LONRF1: variants seen among roughly 807,000 people sequenced by gnomAD.
LONRF1 encodes the protein LON peptidase N-terminal domain and ring finger 1.
In LONRF1, 37 loss-of-function variants were observed where a neutral mutation model predicts 85.8. That is an observed-to-expected ratio of 0.43 (90% confidence interval 0.33 to 0.57). The LOEUF is 0.57. Ranked by LOEUF, LONRF1 falls within the 20% of genes least tolerant of loss-of-function variation. LONRF1 has a pLI of 0.04. For missense variants in LONRF1, 1,036 were observed against 978.0 expected, an observed-to-expected ratio of 1.06 and a Z score of -0.79; for synonymous variants, 517 against 390.1, an observed-to-expected ratio of 1.33 and a Z score of -3.83.
At position 12,754,726 on chromosome 8, in the gene LONRF1, G is replaced by A; in HGVS notation, c.695C>T (p.Ala232Val). The change falls in exon 1 of 12, where the codon GCC becomes GTC. Residue 232 changes from alanine to valine, a missense_variant. By Grantham distance (64) the Ala-to-Val change is moderately conservative. Around this residue, in one of 3 missense-constraint regions of LONRF1, gnomAD observed 742 missense variants for 614.4 expected, o/e 1.21. Transcript: ENST00000398246. ...TGCTCGCAGCGCCTCGCAGGCGGCG[G>A]CCAGGGCCTCCCGGTAGCGCCCCTG... ...LHQGRYREAL[A>V]AACEALRAEP... 7.1e-7 allele frequency: 1 copy of A among 1,413,214 alleles called. No homozygotes were observed. The allele number at this position is 1,413,214 out of a possible 1,614,324, so 87.5% of individuals were successfully genotyped here.
rs776903813 is a variant in LONRF1 at position 12,755,264 on chromosome 8, G to A, written c.157C>T (p.Arg53Cys). The A allele has an allele frequency of 4.1e-6, 5 of 1,232,688 alleles. No individual in the cohort carries two copies. In the South Asian group the frequency reaches 1.7e-4, roughly 41 times the overall value. The allele number at this position is 1,232,688 out of a possible 1,614,324, so 76.4% of individuals were successfully genotyped here. Residue 53 changes from arginine to cysteine, a missense_variant, in exon 1 of 12, where the codon CGC becomes TGC. Coordinates refer to ENST00000398246, the MANE Select transcript of LONRF1 (RefSeq NM_152271.5). ...AESERWELLL[R>C]RGELLALGGH... The stretch of plus-strand genomic sequence containing the variant: ...CCCAGCGCCAGCAGCTCCCCGCGGC[G>A]GAGCAGCAGCTCCCAGCGCTCCGAC...
intron 3 of LONRF1, among the ~76,000 whole-genome samples, chr8:12,740,580 C>A (rs1437323649): frequency 6.6e-6 from 1 of 152,138 alleles, no homozygotes; most frequent in African/African-American, 2.4e-5. Context: ...TGAGCAGGAA[C>A]ATCGTGATAG....
Position 12,723,160 on chromosome 8 carries a change from A to G in LONRF1, c.2258T>C (p.Leu753Ser). The G allele has an allele frequency of 6.2e-7, 1 of 1,614,176 alleles. No individual in the cohort carries two copies. Among genetic ancestry groups the G allele is most frequent in the Non-Finnish European group, 8.5e-7 (1 of 1,180,008 alleles). Residue 753 changes from leucine to serine, a missense_variant, in exon 12 of 12, where the codon TTG (leucine) becomes TCG (serine). Coordinates refer to ENST00000398246, the MANE Select transcript of LONRF1 (RefSeq NM_152271.5). ...CTGTATCTTGGTCAACCGTTCTTTC[A>G]AAGACTTCATTGACAAAACCGACAG... ...YQLSVLSMKS[L>S]KERLTKIQHI...
intron 3 of LONRF1, among the ~76,000 whole-genome samples, chr8:12,739,127 A>G (rs1752712340): frequency 6.6e-6 from 1 of 152,146 alleles, no homozygotes; most frequent in African/African-American, 2.4e-5. Flanking sequence ...TTCCACTGCT[A>G]AGTTTTTGCC....
Position 12,723,134 on chromosome 8 carries a change from G to A in LONRF1, c.2284C>T (p.His762Tyr), listed in dbSNP as rs1231640985. ...TCTCTAGAAAAATAGGTCAGTATATGCTGTATCTTGGTCAACCGTTCTTTC... is the reference window on the plus strand; with the variant it reads ...TCTCTAGAAAAATAGGTCAGTATATACTGTATCTTGGTCAACCGTTCTTTC... Reference protein sequence around the residue: ...SLKERLTKIQHILTYFSRDQS... With the variant: ...SLKERLTKIQYILTYFSRDQS... Residue 762 changes from histidine (H) to tyrosine (Y), a missense_variant, in exon 12 of 12, where the codon CAT (histidine) becomes TAT (tyrosine). Physicochemically the swap from His to Tyr is moderately conservative, Grantham distance 83 (BLOSUM62 2). Around this residue, in one of 3 missense-constraint regions of LONRF1, gnomAD observed 265 missense variants for 301.5 expected, o/e 0.88. Transcript: ENST00000398246. The A allele has an allele frequency of 4.3e-6, 7 of 1,613,972 alleles. No individual in the cohort carries two copies. Among genetic ancestry groups the A allele is most frequent in the African/African-American group, 1.3e-5 (1 of 74,932 alleles).
chr8:12,729,353 T>C (rs1247026834), intron 8 of LONRF1, 21 bp from the exon 9 acceptor site: 1 of 1,609,114 alleles, frequency 6.2e-7, no homozygotes, highest in African/African-American at 1.3e-5. Context: ...AACAGTTTAA[T>C]TATTAGAATT....
rs55929409 is a variant in LONRF1, at chr8:12,736,242, T to C, written c.1451+459A>G. On this transcript the variant is annotated intron_variant, in intron 6 of 11. Coordinates refer to ENST00000398246, the MANE Select transcript of LONRF1 (RefSeq NM_152271.5). ...TTAGTCTTTTAGAATTATAGCATTC[T>C]GAATAATGGAAATCCTTATCCTTAT... Among the ~76,000 whole-genome samples, 1,080 of 152,296 alleles carry C rather than the reference T, an allele frequency of 7.1e-3. 12 individuals are homozygous for C. The highest frequency in any genetic ancestry group is 0.024 in the African/African-American group (1,014 of 41,570).
chr8:12,741,346 T>C (rs1156737275), intron 2 of LONRF1, among the ~76,000 whole-genome samples: 1 of 152,154 alleles, frequency 6.6e-6, no homozygotes, highest in East Asian at 1.9e-4. Context: ...ATCACACCAA[T>C]GCACTCCAGC....
chr8:12,738,247 G>A (rs960016746), intron 3 of LONRF1, 103 bp from the exon 4 acceptor site: 25 of 812,868 alleles, frequency 3.1e-5, no homozygotes, highest in Non-Finnish European at 1.8e-6. Context: ...GTTTGTAGCA[G>A]ACATTTTTTT....
At chr8:12,746,017 A>G (rs984951133) in intron 1 of LONRF1, among the ~76,000 whole-genome samples, 1 of 152,148 alleles carries the variant, frequency 6.6e-6, no homozygotes, top group Non-Finnish European at 1.5e-5. Flanking sequence ...CTTCACCAAA[A>G]AAGCATTTTT....
At chr8:12,741,040 C>T in intron 2 of LONRF1, 44 bp from the exon 3 acceptor site, 5 of 1,595,608 alleles carry the variant, frequency 3.1e-6, no homozygotes, top group African/African-American at 1.4e-5. Flanking sequence ...TTAAGAATTG[C>T]TTTTTAAAAA....
At chr8:12,749,614 T>C (rs1179388319) in intron 1 of LONRF1, among the ~76,000 whole-genome samples, 2 of 152,220 alleles carry the variant, frequency 1.3e-5, no homozygotes, top group Non-Finnish European at 2.9e-5. Context: ...TGGTAAATTC[T>C]GCATTTGATG....
chr8:12,729,508 T>G, intron 8 of LONRF1, 176 bp from the exon 9 acceptor site: 1 of 593,212 alleles, frequency 1.7e-6, no homozygotes, highest in Non-Finnish European at 3.0e-6. Context: ...CCCCGTTCAC[T>G]AAGCTCACAC....
chr8:12,726,045 T>C, intron 10 of LONRF1, 166 bp from the exon 11 acceptor site: 1 of 601,990 alleles, frequency 1.7e-6, no homozygotes. Context: ...CATTTCTGTC[T>C]CATATAGGGC....
chr8:12,739,491 T>C (rs1225590627), intron 3 of LONRF1, among the ~76,000 whole-genome samples: 1 of 152,162 alleles, frequency 6.6e-6, no homozygotes, highest in Non-Finnish European at 1.5e-5. Flanking sequence ...GAGGATTTAC[T>C]GGAAAGGAGA....
intron 11 of LONRF1, among the ~76,000 whole-genome samples, chr8:12,723,713 T>C (rs148430856): frequency 3.2e-4 from 48 of 152,350 alleles, no homozygotes; most frequent in African/African-American, 1.1e-3. Context: ...TAATGCCAAA[T>C]ATCCTGTGGG....
In LONRF1 at chr8:12,754,890, C is replaced by A. The variant is rs1238838720; in HGVS notation, c.531G>T (p.Pro177=). 2 of 1,492,592 alleles carry A rather than the reference C, an allele frequency of 1.3e-6. No individual in the cohort carries two copies. The highest frequency in any genetic ancestry group is 1.3e-5 in the South Asian group (1 of 79,332). 92.5% of individuals were successfully genotyped at this position (1,492,592 alleles called of 1,614,324 possible). ...TGGCGGCGGCCAGAGGCGGCGGCCG[C>A]GGGGCGGTCCCTTCAGCATCAGTGG... The part of the protein sequence containing the change: ...ASATDAEGTA[P]RPPPLAAAIA... The change falls in exon 1 of 12, where the codon CCG becomes CCT. Residue 177 remains proline (P), a synonymous_variant. Coordinates refer to ENST00000398246, the MANE Select transcript of LONRF1 (RefSeq NM_152271.5).
intron 11 of LONRF1, 21 bp from the exon 12 acceptor site, chr8:12,723,275 A>T (rs777517099): frequency 4.4e-6 from 7 of 1,573,354 alleles, no homozygotes; most frequent in Non-Finnish European, 6.0e-6. Flanking sequence ...TGGACAGTTT[A>T]TAGCATTAAT....
At chr8:12,728,608 C>T (rs1057071674) in intron 10 of LONRF1, among the ~76,000 whole-genome samples, 4 of 152,326 alleles carry the variant, frequency 2.6e-5, no homozygotes, top group East Asian at 1.9e-4. Flanking sequence ...GTACCTATCA[C>T]GTGTATACAC....
Sources: allele counts gnomAD v4.1 joint callset (sites outside exome capture counted in the v4.1 genomes callset), GRCh38; gene constraint gnomAD v4.1.1; regional missense constraint gnomAD v4.1.1; transcripts MANE v1.5; gene names NCBI Gene and HGNC (gene_info 2026-07-23, HGNC 2026-07-21).